The following RGPD4 variants were observed in gnomAD, a reference collection of about 807,000 sequenced individuals.
RGPD4 encodes ranBP2-like and GRIP domain-containing protein 4.
In RGPD4, 84 loss-of-function variants were observed where a neutral mutation model predicts 141.1. The ratio of observed to expected loss-of-function variants is 0.60; its 90% confidence interval spans 0.50 to 0.71. RGPD4 has a LOEUF of 0.71. RGPD4 is among the 30% of genes least tolerant of loss of function. The pLI is 0.00. For synonymous variants in RGPD4, 298 were observed against 566.8 expected, an observed-to-expected ratio of 0.53 and a Z score of 6.74; for missense variants, 918 against 1,622.4, an observed-to-expected ratio of 0.57 and a Z score of 7.46.
chr2:107,827,241 C>A (rs113255056), intron 1 of RGPD4, among the ~76,000 whole-genome samples, 156 bp downstream of exon 1: 1 of 104,128 alleles, frequency 9.6e-6, no homozygotes, highest in African/African-American at 3.7e-5. Context: ...CGACCCGGCC[C>A]GGCGGCGGCC....
chr2:107,830,010 G>A (rs970219748), intron 1 of RGPD4, among the ~76,000 whole-genome samples: 14 of 152,160 alleles, frequency 9.2e-5, no homozygotes, highest in African/African-American at 3.1e-4. Flanking sequence ...ATCTCAGCGC[G>A]GACATTTGCA....
rs1485750717 is a variant in RGPD4 at position 107,828,862 on chromosome 2, G to C, written c.72+1777G>C. Reference sequence around the variant, plus strand: ...CGGCCTCGATGGCTCAGGCGTCATGGCTCCCGACCGGCGCTGCTCCCTGGC... The same window carrying C: ...CGGCCTCGATGGCTCAGGCGTCATGCCTCCCGACCGGCGCTGCTCCCTGGC... On this transcript the variant is annotated intron_variant, in intron 1 of 22. Transcript: ENST00000408999. Among the ~76,000 whole-genome samples the C allele has an allele frequency of 4.9e-4, 5 of 10,200 alleles. No homozygotes were observed. In the East Asian group the frequency reaches 5.1e-3, roughly 10 times the overall value. 6.7% of individuals were successfully genotyped at this position (10,200 alleles called of 152,430 possible). A position where few individuals can be genotyped will look rare whatever the true frequency, so the allele number is the denominator to read the frequency against.
At position 107,880,327 on chromosome 2, in the gene RGPD4, G is replaced by C. The variant is rs569601428; in HGVS notation, c.5064+220G>C. Among the ~76,000 whole-genome samples, 846 of 123,618 alleles carry C rather than the reference G, an allele frequency of 6.8e-3. 14 individuals carry two copies. Among genetic ancestry groups the C allele is most frequent in the African/African-American group, 0.026 (807 of 30,868 alleles). The allele number at this position is 123,618 out of a possible 152,430, so 81.1% of individuals were successfully genotyped here. ...CACGCAGGCTGGAGTGCAGTGGCAC[G>C]ATCCCGGCTCACTACAAGCTCCACC... On this transcript the variant is annotated intron_variant, in intron 21 of 22. Transcript: ENST00000408999.
intron 21 of RGPD4, among the ~76,000 whole-genome samples, chr2:107,880,955 C>T (rs1675346206): frequency 6.6e-6 from 1 of 151,768 alleles, no homozygotes; most frequent in African/African-American, 2.4e-5. Context: ...GTTCTTATGA[C>T]CCAGGCCCTG....
chr2:107,878,461 C>A (rs549193107), intron 20 of RGPD4, among the ~76,000 whole-genome samples: 20 of 151,526 alleles, frequency 1.3e-4, no homozygotes, highest in Admixed American at 5.3e-4. Context: ...AGAGCAGCTG[C>A]TTAATTCTCC....
intron 20 of RGPD4, among the ~76,000 whole-genome samples, chr2:107,876,377 C>T (rs1683092076): frequency 6.6e-6 from 1 of 150,976 alleles, no homozygotes; most frequent in African/African-American, 2.5e-5. Flanking sequence ...GCATGAGCCA[C>T]TGCGCCTGGC....
intron 1 of RGPD4, among the ~76,000 whole-genome samples, chr2:107,830,789 C>G (rs1315675559): frequency 6.6e-6 from 1 of 151,962 alleles, no homozygotes; most frequent in Non-Finnish European, 1.5e-5. Context: ...GTGAACTGCC[C>G]ATGCTTTCTA....
chr2:107,871,027 G>A lies in RGPD4; in HGVS notation c.3023G>A (p.Cys1008Tyr), dbSNP rs4012379. ...GGAGAAAAATTATTCTCATCACAAT[G>A]CGGTAAAATGGCCAATAAAGCAAAC... is the stretch of plus-strand genomic sequence containing the variant. Reference protein sequence around the residue: ...GAGEKLFSSQCGKMANKANTS... With the variant: ...GAGEKLFSSQYGKMANKANTS... Residue 1008 changes from cysteine (C) to tyrosine (Y), a missense_variant, in exon 20 of 23, where the codon TGC becomes TAC. Coordinates refer to ENST00000408999, the MANE Select transcript of RGPD4 (RefSeq NM_182588.3). 16 of 1,611,014 alleles carry A rather than the reference G, an allele frequency of 9.9e-6. No homozygotes were observed. The highest frequency in any genetic ancestry group is 2.7e-5 in the African/African-American group (2 of 74,234).
At chr2:107,856,255 G>A (rs1241891896) in intron 8 of RGPD4, among the ~76,000 whole-genome samples, 1 of 141,492 alleles carries the variant, frequency 7.1e-6, no homozygotes, top group East Asian at 2.2e-4. Flanking sequence ...TAGAGATGGA[G>A]TTTCACTGTG....
At chr2:107,831,259 G>T (rs1432230658) in intron 1 of RGPD4, among the ~76,000 whole-genome samples, 1 of 148,950 alleles carries the variant, frequency 6.7e-6, no homozygotes, top group Non-Finnish European at 1.5e-5. Context: ...GTTTTTCTAT[G>T]TTCTGTCAAG....
At chr2:107,889,070 CA>C in intron 22 of RGPD4, among the ~76,000 whole-genome samples, 1 of 150,228 alleles carries the variant, frequency 6.7e-6, no homozygotes, top group South Asian at 2.1e-4. Flanking sequence ...AAAGTTTCCC[CA>C]TGTAAAATTT....
intron 1 of RGPD4, among the ~76,000 whole-genome samples, chr2:107,831,866 G>C (rs1283045182): frequency 0.014 from 1,767 of 129,634 alleles, 29 homozygotes; most frequent in Non-Finnish European, 0.019. Flanking sequence ...CCACCGGGCC[G>C]GGCCCCATTT....
chr2:107,832,333 T>C (rs1436124570), intron 1 of RGPD4, among the ~76,000 whole-genome samples: 5 of 151,540 alleles, frequency 3.3e-5, no homozygotes, highest in Non-Finnish European at 7.4e-5. Flanking sequence ...TCATCTTTTT[T>C]CTGAGTTAGA....
chr2:107,884,363 G>C (rs562204350), intron 22 of RGPD4, among the ~76,000 whole-genome samples: 1 of 152,314 alleles, frequency 6.6e-6, no homozygotes, highest in South Asian at 2.1e-4. Context: ...GCCTCCCAAA[G>C]TGCTGGGATT....
chr2:107,831,578 T>C (rs1436259243), intron 1 of RGPD4, among the ~76,000 whole-genome samples: 2 of 137,474 alleles, frequency 1.5e-5, no homozygotes, highest in East Asian at 2.0e-4. Flanking sequence ...TTTTCTTTTT[T>C]TTTTTTTTTT....
At position 107,826,913 on chromosome 2, in the gene RGPD4, C is replaced by G. The variant is rs570646924; in HGVS notation, c.-101C>G. The G allele has an allele frequency of 8.4e-6, 13 of 1,545,530 alleles. No homozygotes were observed. The highest frequency in any genetic ancestry group is 7.4e-5 in the East Asian group (3 of 40,624). On this transcript the variant is annotated 5_prime_UTR_variant, in exon 1 of 23. Coordinates refer to ENST00000408999, the MANE Select transcript of RGPD4 (RefSeq NM_182588.3). ...CGTCACAGTGGTCCTCCGCCGGCTA[C>G]GCGGAGTCAGTGGCTTTCAGGCGCT... is the stretch of plus-strand genomic sequence containing the variant.
At chr2:107,857,194 G>A (rs1682351981) in intron 9 of RGPD4, among the ~76,000 whole-genome samples, 1 of 150,400 alleles carries the variant, frequency 6.6e-6, no homozygotes, top group African/African-American at 2.5e-5. Context: ...CTGGAGTGCA[G>A]TGGTGCGATC....
chr2:107,854,676 A>C, intron 8 of RGPD4, 33 bp downstream of exon 8: 1 of 1,473,626 alleles, frequency 6.8e-7, no homozygotes, highest in East Asian at 2.5e-5. Context: ...TTAATTTAAA[A>C]AGAAAAAGGA....
chr2:107,846,429 C>T (rs937379889), intron 6 of RGPD4, among the ~76,000 whole-genome samples: 4 of 151,764 alleles, frequency 2.6e-5, no homozygotes, highest in Admixed American at 6.6e-5. Context: ...AAAATGTAAT[C>T]CATTAAAAAT....
Sources: gnomAD v4.1 joint callset for allele counts (sites outside exome capture counted in the v4.1 genomes callset) on GRCh38, gnomAD v4.1.1 for gene constraint, MANE v1.5 for transcripts, NCBI Gene and HGNC (gene_info 2026-07-23, HGNC 2026-07-21) for gene names.